Variants in OPCML observed in about 807,000 individuals in gnomAD.
The protein encoded by OPCML is opioid binding protein/cell adhesion molecule like.
A neutral mutation model predicts 37.8 loss-of-function variants in OPCML; 13 were observed. The ratio of observed to expected loss-of-function variants is 0.34; its 90% CI spans 0.22 to 0.55. The LOEUF is 0.55. Among genes scored for constraint, OPCML ranks in the 20% least tolerant of loss-of-function variants. OPCML has a pLI of 0.91. For synonymous variants in OPCML, 176 were observed against 168.8 expected (o/e 1.04, Z -0.33); for missense variants, 341 against 435.6 (o/e 0.78, Z 1.93).
At chr11:132,796,745 T>A (rs1361414208) in intron 2 of OPCML, among the ~76,000 whole-genome samples, 2 of 151,954 alleles carry the variant, frequency 1.3e-5, no homozygotes, top group Middle Eastern at 3.4e-3. Context: ...GCCCGGCTAA[T>A]TTTTTGTATT....
chr11:132,892,708 G>A (rs11605501), intron 2 of OPCML, among the ~76,000 whole-genome samples: 20,918 of 152,154 alleles, frequency 0.14, 1,953 homozygotes, highest in Middle Eastern at 0.22. Flanking sequence ...CAGAGGGTGC[G>A]GTGAGCCAAG....
intron 3 of OPCML, among the ~76,000 whole-genome samples, chr11:132,564,897 T>G (rs1297083166): frequency 6.6e-6 from 1 of 152,168 alleles, no homozygotes; most frequent in African/African-American, 2.4e-5. Context: ...TCTTGCCTCC[T>G]CATCTTATTA....
At chr11:132,529,233 A>G (rs749541988) in intron 3 of OPCML, 47 bp from the exon 4 acceptor site, 2 of 1,549,282 alleles carry the variant, frequency 1.3e-6, no homozygotes, top group South Asian at 1.2e-5. Flanking sequence ...AATTCTTTGC[A>G]CTTAAAAGGA....
intron 4 of OPCML, among the ~76,000 whole-genome samples, chr11:132,510,446 G>T (rs1017023440): frequency 6.6e-6 from 1 of 152,124 alleles, no homozygotes; most frequent in Non-Finnish European, 1.5e-5. Flanking sequence ...ATATTATTTG[G>T]CTTTGTCCCC....
At chr11:133,427,976 G>A (rs543777757) in intron 1 of OPCML, among the ~76,000 whole-genome samples, 142 of 152,228 alleles carry the variant, frequency 9.3e-4, no homozygotes, top group Admixed American at 3.9e-3. Context: ...TTTCATAAAA[G>A]TTCCCATTCT....
At chr11:133,384,851 A>G (rs79684105) in intron 1 of OPCML, among the ~76,000 whole-genome samples, 2 of 152,238 alleles carry the variant, frequency 1.3e-5, no homozygotes, top group Non-Finnish European at 2.9e-5. Context: ...TGATAGGCAG[A>G]TGGCTGGACA....
intron 1 of OPCML, among the ~76,000 whole-genome samples, chr11:133,171,433 C>G (rs1277244710): frequency 6.6e-6 from 1 of 152,214 alleles, no homozygotes; most frequent in Non-Finnish European, 1.5e-5. Context: ...AGTCCCCTCT[C>G]AGCTGGAATT....
chr11:133,404,611 A>T (rs569426061), intron 1 of OPCML, among the ~76,000 whole-genome samples: 2 of 152,360 alleles, frequency 1.3e-5, no homozygotes, highest in South Asian at 4.1e-4. Flanking sequence ...ACTGCCTCTT[A>T]GAGCTTGTAG....
chr11:132,776,608 A>T (rs1946818841), intron 2 of OPCML, among the ~76,000 whole-genome samples: 2 of 151,918 alleles, frequency 1.3e-5, no homozygotes. Context: ...GCCACATGAC[A>T]TGCTGGTCCC....
At chr11:133,004,354 T>C (rs1947066483) in intron 1 of OPCML, 3 of 985,350 alleles carry the variant, frequency 3.0e-6, no homozygotes, top group Non-Finnish European at 3.6e-6. Context: ...GTAGTGTTGA[T>C]GTTTTATTAA....
At chr11:132,817,705 A>T (rs533450529) in intron 2 of OPCML, among the ~76,000 whole-genome samples, 1 of 152,198 alleles carries the variant, frequency 6.6e-6, no homozygotes, top group African/African-American at 2.4e-5. Context: ...AAAGGGAGGG[A>T]TTAGATAAAT....
intron 1 of OPCML, among the ~76,000 whole-genome samples, chr11:132,961,218 C>G (rs1946086572): frequency 6.6e-6 from 1 of 152,162 alleles, no homozygotes; most frequent in Non-Finnish European, 1.5e-5. Flanking sequence ...AGCTGAGCTG[C>G]ATCCCAGTGT....
intron 2 of OPCML, among the ~76,000 whole-genome samples, chr11:132,696,460 G>A (rs1353409291): frequency 6.6e-6 from 1 of 152,066 alleles, no homozygotes; most frequent in Admixed American, 6.5e-5. Context: ...TATTTTTTAA[G>A]CACCTCTAAT....
intron 1 of OPCML, among the ~76,000 whole-genome samples, chr11:133,415,150 C>A (rs566259648): frequency 6.6e-6 from 1 of 152,244 alleles, no homozygotes; most frequent in Non-Finnish European, 1.5e-5. Context: ...TGGCTCAAGC[C>A]TGTAATCCCA....
intron 1 of OPCML, among the ~76,000 whole-genome samples, chr11:133,189,664 A>G (rs1938224611): frequency 6.6e-6 from 1 of 152,156 alleles, no homozygotes; most frequent in Admixed American, 6.5e-5. Flanking sequence ...AATTCCCTAT[A>G]TGAAACTCCC....
At chr11:132,627,986 C>T (rs1939849952) in intron 3 of OPCML, among the ~76,000 whole-genome samples, 1 of 151,996 alleles carries the variant, frequency 6.6e-6, no homozygotes, top group Non-Finnish European at 1.5e-5. Flanking sequence ...GTAGAGAAAG[C>T]ATATTTAAAT....
intron 1 of OPCML, chr11:133,419,231 A>C: frequency 1.0e-6 from 1 of 985,280 alleles, no homozygotes; most frequent in Non-Finnish European, 1.2e-6. Flanking sequence ...AGGTAATTAC[A>C]GTCATAGTTG....
intron 3 of OPCML, among the ~76,000 whole-genome samples, chr11:132,654,662 C>T (rs1442766739): frequency 6.6e-6 from 1 of 151,816 alleles, no homozygotes; most frequent in Non-Finnish European, 1.5e-5. Context: ...GAAGATCTTC[C>T]CCAAGAGAAT....
chr11:133,482,399 G>A (rs767482633), intron 1 of OPCML, among the ~76,000 whole-genome samples: 4 of 152,162 alleles, frequency 2.6e-5, no homozygotes, highest in South Asian at 2.1e-4. Flanking sequence ...GGGAAAGCAT[G>A]GGTTTTACAA....
Sources: gnomAD v4.1 joint callset for allele counts (sites outside exome capture counted in the v4.1 genomes callset) on GRCh38, gnomAD v4.1.1 for gene constraint, MANE v1.5 for transcripts, NCBI Gene and HGNC (gene_info 2026-07-23, HGNC 2026-07-21) for gene names.